USP47: variants seen among roughly 807,000 people sequenced by gnomAD.
USP47 encodes ubiquitin specific peptidase 47, also known as ubiquitin carboxyl-terminal hydrolase 47.
In USP47, 35 loss-of-function variants were observed where a neutral mutation model predicts 165.1. The ratio of observed to expected loss-of-function variants is 0.21; its 90% CI spans 0.16 to 0.28. The LOEUF is 0.28. Ranked by LOEUF, USP47 falls within the 10% of genes least tolerant of loss-of-function variation. The pLI is 1.00. For missense variants in USP47, 1,277 were observed against 1,607.4 expected, an observed-to-expected ratio of 0.79 and a Z score of 3.52; for synonymous variants, 531 against 544.5, an observed-to-expected ratio of 0.98 and a Z score of 0.35.
intron 1 of USP47, among the ~76,000 whole-genome samples, chr11:11,846,025 C>T (rs1848407985): frequency 1.3e-5 from 2 of 152,162 alleles, no homozygotes; most frequent in South Asian, 2.1e-4. Context: ...TTTCTTAGTT[C>T]CTCTCTTTTG....
chr11:11,877,256 A>AG (rs1303700808), intron 1 of USP47, among the ~76,000 whole-genome samples: 1 of 152,188 alleles, frequency 6.6e-6, no homozygotes, highest in Non-Finnish European at 1.5e-5. Flanking sequence ...AAAGGAGGAG[A>AG]GAAATTTTAC....
chr11:11,904,383 G>T (rs752496445), intron 7 of USP47, among the ~76,000 whole-genome samples: 6 of 152,280 alleles, frequency 3.9e-5, no homozygotes, highest in Admixed American at 3.3e-4. Flanking sequence ...TTGAAGAAAT[G>T]TAAGTTTATG....
At chr11:11,892,376 T>TCA (rs1200295557) in intron 4 of USP47, among the ~76,000 whole-genome samples, 1 of 127,810 alleles carries the variant, frequency 7.8e-6, no homozygotes, top group East Asian at 2.4e-4. Context: ...TTCTTTTTAA[T>TCA]TTTCTTTTTT....
chr11:11,948,398 G>A, intron 21 of USP47, 80 bp from the exon 22 acceptor site: 1 of 1,265,958 alleles, frequency 7.9e-7, no homozygotes, highest in Non-Finnish European at 1.1e-6. Flanking sequence ...AGAGTATTTT[G>A]GAAAGTTTAA....
At chr11:11,902,965 T>C in intron 6 of USP47, 105 bp downstream of exon 6, 1 of 1,222,658 alleles carries the variant, frequency 8.2e-7, no homozygotes, top group Non-Finnish European at 1.1e-6. Context: ...CTTAAACCTT[T>C]CATTGCAAGT....
intron 8 of USP47, among the ~76,000 whole-genome samples, chr11:11,911,194 T>C (rs888205039): frequency 6.6e-6 from 1 of 151,944 alleles, no homozygotes. Flanking sequence ...AGAGAGAAGA[T>C]AGACTGAAAA....
At chr11:11,945,709 G>A (rs1367005718) in intron 20 of USP47, among the ~76,000 whole-genome samples, 1 of 152,054 alleles carries the variant, frequency 6.6e-6, no homozygotes, top group African/African-American at 2.4e-5. Flanking sequence ...GGCCGTGAGG[G>A]GAACTGCTTG....
intron 19 of USP47, among the ~76,000 whole-genome samples, chr11:11,941,846 G>C (rs570189046): frequency 6.6e-6 from 1 of 151,636 alleles, no homozygotes; most frequent in African/African-American, 2.4e-5. Context: ...TTTTTTGTTT[G>C]CTTCCTTGCA....
intron 1 of USP47, among the ~76,000 whole-genome samples, chr11:11,844,826 T>G (rs1003328723): frequency 1.3e-5 from 2 of 152,046 alleles, no homozygotes; most frequent in Non-Finnish European, 1.5e-5. Flanking sequence ...TTGGAGTGTA[T>G]AGTTGTTCAG....
At chr11:11,920,056 T>C (rs1161990104) in intron 8 of USP47, 100 bp from the exon 9 acceptor site, 17 of 856,300 alleles carry the variant, frequency 2.0e-5, no homozygotes, top group Non-Finnish European at 2.8e-5. Context: ...TTTCTAACCA[T>C]TCTACTTATA....
chr11:11,897,274 G>C (rs1851908288), intron 4 of USP47, among the ~76,000 whole-genome samples: 1 of 151,524 alleles, frequency 6.6e-6, no homozygotes, highest in African/African-American at 2.4e-5. Context: ...TTAGATTTTG[G>C]GGGAAAAAGT....
chr11:11,880,323 C>G lies in USP47; in HGVS notation c.186C>G (p.Gly62=). ...KLFEDVANKV[G]YINGTFDLVW... Reference sequence around the variant, plus strand: ...TTGAAGATGTGGCCAACAAAGTAGGCTACATAAATGGAACCTTTGACTTGG... The same window carrying G: ...TTGAAGATGTGGCCAACAAAGTAGGGTACATAAATGGAACCTTTGACTTGG... The change falls in exon 2 of 28, where the codon GGC becomes GGG. Residue 62 remains glycine (G), a synonymous_variant. Transcript: ENST00000527733. The G allele has an allele frequency of 7.2e-7, 1 of 1,385,030 alleles. No homozygotes were observed. The highest frequency in any genetic ancestry group is 9.3e-7 in the Non-Finnish European group (1 of 1,076,340). The allele number at this position is 1,385,030 out of a possible 1,614,324, so 85.8% of individuals were successfully genotyped here.
rs1409430634 is a variant in USP47 at position 11,842,048 on chromosome 11, C to T, written c.-138C>T. The T allele has an allele frequency of 9.1e-7, 1 of 1,098,136 alleles. No homozygotes were observed. Among genetic ancestry groups the T allele is most frequent in the Non-Finnish European group, 1.3e-6 (1 of 772,724 alleles). The allele number at this position is 1,098,136 out of a possible 1,614,324, so 68.0% of individuals were successfully genotyped here. On this transcript the variant is annotated 5_prime_UTR_variant, in exon 1 of 28. Transcript: ENST00000527733. ...TGTCTGCGCGCTGGTGTCTGAGGCC[C>T]AGGCTGAGGCCTCCGCTATTGCTGG... is the stretch of plus-strand genomic sequence containing the variant.
At chr11:11,954,066 A>G (rs1166615587) in intron 25 of USP47, among the ~76,000 whole-genome samples, 4 of 152,102 alleles carry the variant, frequency 2.6e-5, no homozygotes, top group Admixed American at 1.3e-4. Flanking sequence ...CCTGGCCAAC[A>G]TGGTGAAACC....
chr11:11,916,321 A>G (rs889915034), intron 8 of USP47, among the ~76,000 whole-genome samples: 1 of 152,188 alleles, frequency 6.6e-6, no homozygotes, highest in Non-Finnish European at 1.5e-5. Context: ...TACATTTTGC[A>G]TAATATATGG....
chr11:11,884,336 C>A, intron 2 of USP47, 131 bp from the exon 3 acceptor site: 1 of 652,384 alleles, frequency 1.5e-6, no homozygotes, highest in South Asian at 2.6e-5. Flanking sequence ...GAGTTAATTC[C>A]AAGCCTAGAT....
chr11:11,929,641 T>C (rs1040983769), intron 12 of USP47, 76 bp downstream of exon 12: 24 of 1,548,514 alleles, frequency 1.5e-5, no homozygotes, highest in Non-Finnish European at 1.9e-5. Context: ...TAAAGTTTAT[T>C]AAGAATGAGT....
At position 11,948,516 on chromosome 11, in the gene USP47, A is replaced by G. The variant is rs1430102592; in HGVS notation, c.3306A>G (p.Glu1102=). The G allele has an allele frequency of 6.2e-7, 1 of 1,613,144 alleles. No individual in the cohort carries two copies. The highest frequency in any genetic ancestry group is 1.7e-5 in the Admixed American group (1 of 59,976). ...TGGGGAGAGCACTTAAAAAAGGAGAATACAGAGTTAAAGTATACCAGCTTT... is the reference window on the plus strand; with the variant it reads ...TGGGGAGAGCACTTAAAAAAGGAGAGTACAGAGTTAAAGTATACCAGCTTT... The part of the protein sequence containing the change: ...IRLGRALKKG[E]YRVKVYQLLV... Residue 1102 remains glutamate, a synonymous_variant, in exon 22 of 28, where the codon GAA becomes GAG. Transcript: ENST00000527733.
intron 1 of USP47, among the ~76,000 whole-genome samples, chr11:11,877,863 G>A (rs1040225988): frequency 9.2e-5 from 10 of 108,518 alleles, no homozygotes; most frequent in Non-Finnish European, 1.1e-4. Context: ...GTGTGTGCGC[G>A]CGCGCAGATA....
Sources: allele counts gnomAD v4.1 joint callset (sites outside exome capture counted in the v4.1 genomes callset), GRCh38; gene constraint gnomAD v4.1.1; transcripts MANE v1.5; gene names NCBI Gene and HGNC (gene_info 2026-07-23, HGNC 2026-07-21).